The following ROBO2 variants were observed in gnomAD, a reference collection of about 807,000 sequenced individuals.
ROBO2 encodes the protein roundabout guidance receptor 2, also known as roundabout homolog 2.
A neutral mutation model predicts 160.8 loss-of-function variants in ROBO2; 53 were observed. The ratio of observed to expected loss-of-function variants is 0.33; its 90% CI spans 0.26 to 0.41. The LOEUF (loss-of-function observed/expected upper bound fraction) is 0.41, where lower values mean the gene tolerates loss of function less well. Ranked by LOEUF, ROBO2 falls within the 10% of genes least tolerant of loss-of-function variation. The pLI is 1.00. For missense variants in ROBO2, 1,577 were observed against 1,722.4 expected (o/e 0.92, Z 1.49); for synonymous variants, 664 against 611.7 (o/e 1.09, Z -1.26).
chr3:77,620,753 A>T (rs2094883814), intron 22 of ROBO2, among the ~76,000 whole-genome samples: 1 of 152,226 alleles, frequency 6.6e-6, no homozygotes, highest in Non-Finnish European at 1.5e-5. Context: ...GAGGAATATT[A>T]AACAAATTCG....
chr3:76,372,561 A>G (rs1576742651), intron 2 of ROBO2, among the ~76,000 whole-genome samples: 1 of 151,982 alleles, frequency 6.6e-6, no homozygotes, highest in East Asian at 1.9e-4. Flanking sequence ...ATCTACATCT[A>G]TAACAGATAT....
intron 2 of ROBO2, among the ~76,000 whole-genome samples, chr3:76,714,076 T>C (rs1044157539): frequency 6.6e-6 from 1 of 152,090 alleles, no homozygotes; most frequent in African/African-American, 2.4e-5. Context: ...AGGAATGAAG[T>C]CTTTTAATAC....
At chr3:76,530,604 C>T (rs1311120911) in intron 2 of ROBO2, among the ~76,000 whole-genome samples, 1 of 152,124 alleles carries the variant, frequency 6.6e-6, no homozygotes, top group Non-Finnish European at 1.5e-5. Context: ...ACTTAGCTCT[C>T]GCAAGTGAAA....
intron 2 of ROBO2, among the ~76,000 whole-genome samples, chr3:76,042,296 T>C (rs1228948772): frequency 2.6e-5 from 4 of 152,020 alleles, no homozygotes; most frequent in African/African-American, 9.7e-5. Context: ...ACTTTGCTAA[T>C]AGTTGTCTTT....
intron 2 of ROBO2, among the ~76,000 whole-genome samples, chr3:77,028,663 G>A (rs1429405392): frequency 1.3e-5 from 2 of 152,136 alleles, no homozygotes; most frequent in East Asian, 1.9e-4. Flanking sequence ...GGGTTGCAGT[G>A]AGCCAAGATC....
In ROBO2 at chr3:76,813,946, A is replaced by G. The variant is rs182175915; in HGVS notation, c.110-284068A>G. Among the ~76,000 whole-genome samples the G allele has an allele frequency of 8.5e-4, 129 of 152,300 alleles. 3 individuals carry two copies. In the East Asian group the frequency reaches 0.023, roughly 27 times the overall value. ...AATATAGCAATCTTTTCAATAAGTA[A>G]CTTTTAAATGATCACATAATAGAAA... On this transcript the variant is annotated intron_variant, in intron 2 of 26. Coordinates refer to the ROBO2 transcript ENST00000487694.
chr3:76,365,613 C>T (rs2075770064), intron 2 of ROBO2, among the ~76,000 whole-genome samples: 1 of 151,960 alleles, frequency 6.6e-6, no homozygotes, highest in African/African-American at 2.4e-5. Flanking sequence ...TTTCAGAATT[C>T]CCTATTGAGA....
chr3:76,927,497 A>G (rs1222282523), intron 2 of ROBO2, among the ~76,000 whole-genome samples: 1 of 152,192 alleles, frequency 6.6e-6, no homozygotes, highest in African/African-American at 2.4e-5. Flanking sequence ...TCTTAATACT[A>G]GAATTGGTGT....
intron 2 of ROBO2, among the ~76,000 whole-genome samples, chr3:77,400,485 G>C (rs1478427708): frequency 6.6e-6 from 1 of 152,126 alleles, no homozygotes; most frequent in Non-Finnish European, 1.5e-5. Flanking sequence ...TTCTAAGAAG[G>C]AGCCAGTACG....
chr3:77,227,089 G>A lies in ROBO2; in HGVS notation c.388+128749G>A, dbSNP rs547958237. On this transcript the variant is annotated intron_variant, in intron 2 of 25. Transcript: ENST00000461745. The stretch of plus-strand genomic sequence containing the variant: ...GCATTTTTTAATGAAAAGAATTTTA[G>A]GCTTACAATTTTCTTGTAACAGTGG... Among the ~76,000 whole-genome samples the A allele has an allele frequency of 1.9e-4, 29 of 152,018 alleles. 1 individual carries two copies. The highest frequency in any genetic ancestry group is 6.3e-4 in the African/African-American group (26 of 41,474).
intron 1 of ROBO2, among the ~76,000 whole-genome samples, chr3:75,924,953 G>T (rs907016881): frequency 1.3e-5 from 2 of 151,822 alleles, no homozygotes; most frequent in Non-Finnish European, 2.9e-5. Flanking sequence ...CTCCCAAAGT[G>T]CTGGGATTAC....
At chr3:76,519,023 G>A (rs981212107) in intron 2 of ROBO2, among the ~76,000 whole-genome samples, 11 of 152,226 alleles carry the variant, frequency 7.2e-5, no homozygotes, top group Admixed American at 2.6e-4. Context: ...GTGAGCCAGG[G>A]GTGACCACAA....
At chr3:76,194,082 A>T (rs940306894) in intron 2 of ROBO2, among the ~76,000 whole-genome samples, 4 of 151,922 alleles carry the variant, frequency 2.6e-5, no homozygotes, top group Non-Finnish European at 4.4e-5. Context: ...TTCCTAAGAT[A>T]ATTATTATTA....
At chr3:76,811,201 T>C (rs1484643302) in intron 2 of ROBO2, among the ~76,000 whole-genome samples, 8 of 152,120 alleles carry the variant, frequency 5.3e-5, no homozygotes, top group Non-Finnish European at 1.2e-4. Context: ...GCATTTGTGG[T>C]TGGATGATTT....
At position 77,433,514 on chromosome 3, in the gene ROBO2, A is replaced by G. The variant is rs953909205; in HGVS notation, c.389-43900A>G. Among the ~76,000 whole-genome samples the G allele has an allele frequency of 4.5e-3, 627 of 138,464 alleles. 16 individuals carry two copies. Among genetic ancestry groups the G allele is most frequent in the Middle Eastern group, 7.5e-3 (2 of 266 alleles). 90.8% of individuals were successfully genotyped at this position (138,464 alleles called of 152,430 possible). On this transcript the variant is annotated intron_variant, in intron 2 of 25. Transcript: ENST00000461745. ...TATATATATATATATATATATATAT[A>G]TATATTTCTCCTTCATCTAATCTTT...
chr3:76,568,350 T>G (rs1297108902), intron 2 of ROBO2, among the ~76,000 whole-genome samples: 1 of 152,100 alleles, frequency 6.6e-6, no homozygotes, highest in South Asian at 2.1e-4. Flanking sequence ...CAGGCTGGAG[T>G]GCAGTGGTGC....
intron 2 of ROBO2, among the ~76,000 whole-genome samples, chr3:77,228,668 C>T (rs987696419): frequency 6.6e-6 from 1 of 151,964 alleles, no homozygotes; most frequent in African/African-American, 2.4e-5. Context: ...AGCAAACCAA[C>T]ATGGCACATG....
chr3:76,523,175 A>G (rs903438942), intron 2 of ROBO2, among the ~76,000 whole-genome samples: 1 of 151,796 alleles, frequency 6.6e-6, no homozygotes, highest in Non-Finnish European at 1.5e-5. Context: ...ATAATAATGT[A>G]CTTGTTCTAC....
At chr3:77,381,612 A>G (rs905645703) in intron 2 of ROBO2, among the ~76,000 whole-genome samples, 1 of 152,184 alleles carries the variant, frequency 6.6e-6, no homozygotes, top group Admixed American at 6.5e-5. Context: ...TGAGGCATAT[A>G]TTACAGTACA....
Sources: gnomAD v4.1 joint callset for allele counts (sites outside exome capture counted in the v4.1 genomes callset) on GRCh38, gnomAD v4.1.1 for gene constraint, MANE v1.5 for transcripts, NCBI Gene and HGNC (gene_info 2026-07-23, HGNC 2026-07-21) for gene names.